The following PCA3 variants were observed in gnomAD, a reference collection of about 807,000 sequenced individuals.
The protein encoded by PCA3 is Differential Display code 3.
At chr9:76,782,825 T>C (rs540196882) in intron 2 of PCA3, 1 of 152,328 alleles carries the variant, frequency 6.6e-6, no homozygotes, top group African/African-American at 2.4e-5. Context: ...GACATCTCAA[T>C]GGCAGGGGTG....
chr9:76,770,197 A>G (rs2052935281), intron 2 of PCA3, among the ~76,000 whole-genome samples: 1 of 152,162 alleles, frequency 6.6e-6, no homozygotes, highest in Non-Finnish European at 1.5e-5. Flanking sequence ...TTGAGGCAAC[A>G]TTCTTTGAAG....
intron 2 of PCA3, among the ~76,000 whole-genome samples, chr9:76,781,175 AC>A (rs1249887834): frequency 6.6e-6 from 1 of 152,180 alleles, no homozygotes; most frequent in Non-Finnish European, 1.5e-5. Context: ...GCAGCCGCTA[AC>A]CCATCTCTTT....
chr9:76,766,975 G>A lies in PCA3; in HGVS notation n.852+30360G>A, dbSNP rs552412398. Among the ~76,000 whole-genome samples the A allele has an allele frequency of 5.0e-4, 76 of 151,960 alleles. 1 individual carries two copies. Among genetic ancestry groups the A allele is most frequent in the South Asian group, 3.3e-3 (16 of 4,798 alleles). ...GTTTATCATCTACCTCTCCCACCTC[G>A]CCACACCTTCCCCCCAAGGCGAAGG... On this transcript the variant is annotated intron_variant and non_coding_transcript_variant, in intron 2 of 5. Transcript: ENST00000644657.
At chr9:76,781,165 G>A (rs1444123494) in intron 2 of PCA3, among the ~76,000 whole-genome samples, 2 of 152,080 alleles carry the variant, frequency 1.3e-5, no homozygotes, top group African/African-American at 2.4e-5. Context: ...GTCTATGAAG[G>A]CAGCCGCTAA....
intron 2 of PCA3, among the ~76,000 whole-genome samples, chr9:76,778,208 C>G (rs1261582277): frequency 6.6e-6 from 1 of 152,210 alleles, no homozygotes; most frequent in East Asian, 1.9e-4. Flanking sequence ...CTGAGGAAGA[C>G]TGCTGCAGGC....
At chr9:76,781,789 G>A (rs1433375348) in intron 2 of PCA3, among the ~76,000 whole-genome samples, 7 of 152,172 alleles carry the variant, frequency 4.6e-5, no homozygotes, top group Non-Finnish European at 7.3e-5. Context: ...ATGAGTTAAC[G>A]GTGAATGTCT....
intron 2 of PCA3, among the ~76,000 whole-genome samples, chr9:76,767,352 G>A (rs770339372): frequency 1.4e-4 from 21 of 152,112 alleles, no homozygotes; most frequent in East Asian, 5.8e-4. Flanking sequence ...TCGAGAGGCC[G>A]AGGCAGGAGA....
intron 2 of PCA3, among the ~76,000 whole-genome samples, chr9:76,773,497 G>A (rs924082295): frequency 1.4e-5 from 2 of 145,160 alleles, no homozygotes; most frequent in African/African-American, 5.1e-5. Context: ...AGGCTGGAGT[G>A]CAGTGGTGCA....
At chr9:76,765,204 G>A (rs1429597494) in intron 2 of PCA3, among the ~76,000 whole-genome samples, 1 of 152,142 alleles carries the variant, frequency 6.6e-6, no homozygotes, top group Admixed American at 6.5e-5. Context: ...CCAACATGTA[G>A]AAGTTAAACA....
At chr9:76,782,735 G>C (rs1310931620) in intron 2 of PCA3, 1 of 152,202 alleles carries the variant, frequency 6.6e-6, no homozygotes, top group Admixed American at 6.5e-5. Context: ...CTAGTCCGCT[G>C]TGAGTCTCCT....
chr9:76,775,113 C>T (rs572695143), intron 2 of PCA3, among the ~76,000 whole-genome samples: 2 of 152,178 alleles, frequency 1.3e-5, no homozygotes, highest in African/African-American at 4.8e-5. Flanking sequence ...CCGAATAGGA[C>T]CAGACAGAAA....
intron 2 of PCA3, among the ~76,000 whole-genome samples, chr9:76,779,159 T>C (rs772086398): frequency 2.0e-5 from 3 of 152,132 alleles, no homozygotes; most frequent in Non-Finnish European, 4.4e-5. Context: ...TGGGCAATAC[T>C]TATGTTCACA....
chr9:76,768,623 G>A (rs12003751), intron 2 of PCA3, among the ~76,000 whole-genome samples: 1,620 of 130,218 alleles, frequency 0.012, 27 homozygotes, highest in African/African-American at 0.042. Flanking sequence ...GTGTGTGTGT[G>A]TATATCCCTG....
chr9:76,768,505 CT>C (rs1362472270), intron 2 of PCA3, among the ~76,000 whole-genome samples: 1 of 151,726 alleles, frequency 6.6e-6, no homozygotes, highest in Non-Finnish European at 1.5e-5. Context: ...ATTTCAACAA[CT>C]ATCAAGTCTG....
intron 2 of PCA3, among the ~76,000 whole-genome samples, chr9:76,767,451 CAA>C (rs33948203): frequency 6.8e-6 from 1 of 146,448 alleles, no homozygotes. Flanking sequence ...AACTCTGTCT[CAA>C]AAAAAAAAAG....
intron 2 of PCA3, among the ~76,000 whole-genome samples, chr9:76,780,374 C>T (rs948121775): frequency 2.6e-5 from 4 of 152,064 alleles, no homozygotes; most frequent in Non-Finnish European, 5.9e-5. Flanking sequence ...GTCTGGCCAC[C>T]TGTATCCAAG....
intron 2 of PCA3, among the ~76,000 whole-genome samples, chr9:76,780,860 C>A (rs1035036246): frequency 1.3e-5 from 2 of 152,146 alleles, no homozygotes; most frequent in African/African-American, 4.8e-5. Context: ...GGGGATCTGC[C>A]CAGGACCACG....
chr9:76,783,013 T>C (rs1335888741), intron 2 of PCA3, among the ~76,000 whole-genome samples: 3 of 152,222 alleles, frequency 2.0e-5, no homozygotes, highest in African/African-American at 7.2e-5. Context: ...GTCATTTTCC[T>C]TAGGTTTCTT....
intron 2 of PCA3, among the ~76,000 whole-genome samples, chr9:76,768,545 G>T (rs1455640758): frequency 2.0e-5 from 3 of 149,110 alleles, no homozygotes; most frequent in Non-Finnish European, 4.4e-5. Flanking sequence ...ACGTTCTCTG[G>T]GTCTCTTATC....
Sources: gnomAD v4.1 joint callset for allele counts (sites outside exome capture counted in the v4.1 genomes callset) on GRCh38, gnomAD v4.1.1 for gene constraint, MANE v1.5 for transcripts, NCBI Gene and HGNC (gene_info 2026-07-23, HGNC 2026-07-21) for gene names.